TRIQK: variants seen among roughly 807,000 people sequenced by gnomAD.
The protein encoded by TRIQK is triple QxxK/R motif-containing protein.
Under a neutral mutation model 10.8 loss-of-function variants are expected in TRIQK, and 10 were observed. That is an observed-to-expected ratio of 0.92 (90% CI 0.57 to 1.57). The LOEUF (loss-of-function observed/expected upper bound fraction) is 1.57. Among genes scored for constraint, TRIQK ranks in the 40% most tolerant of loss-of-function variants. The pLI is 0.00. For synonymous variants in TRIQK, 33 were observed against 33.7 expected (o/e 0.98, Z 0.07); for missense variants, 107 against 97.7 (o/e 1.09, Z -0.40).
intron 3 of TRIQK, among the ~76,000 whole-genome samples, chr8:92,896,733 TTAC>T (rs1448241037): frequency 6.6e-6 from 1 of 152,164 alleles, no homozygotes; most frequent in African/African-American, 2.4e-5. Context: ...TTGGAATCTG[TTAC>T]TACTTTTTTC....
intron 2 of TRIQK, among the ~76,000 whole-genome samples, chr8:92,917,678 G>A (rs570571623): frequency 6.6e-6 from 1 of 151,974 alleles, no homozygotes; most frequent in Non-Finnish European, 1.5e-5. Flanking sequence ...GTAATGACCA[G>A]TTCAGAATAA....
intron 1 of TRIQK, among the ~76,000 whole-genome samples, chr8:92,992,357 C>A (rs1813104402): frequency 6.6e-6 from 1 of 152,182 alleles, no homozygotes; most frequent in African/African-American, 2.4e-5. Flanking sequence ...GGAAGATCTT[C>A]CTGCCTCTAC....
chr8:92,952,322 T>A (rs748798345), intron 2 of TRIQK, among the ~76,000 whole-genome samples: 1 of 151,970 alleles, frequency 6.6e-6, no homozygotes, highest in Non-Finnish European at 1.5e-5. Flanking sequence ...AGAGTGCCTT[T>A]GATGAGCTTA....
chr8:92,976,952 C>A (rs62520824), intron 1 of TRIQK, among the ~76,000 whole-genome samples: 12,371 of 151,824 alleles, frequency 0.081, 1,078 homozygotes, highest in African/African-American at 0.22. Flanking sequence ...TTTTATCTCT[C>A]TATATATATT....
chr8:92,925,078 A>T (rs1487707072), intron 2 of TRIQK, among the ~76,000 whole-genome samples: 1 of 152,150 alleles, frequency 6.6e-6, no homozygotes, highest in African/African-American at 2.4e-5. Context: ...AAACCTAAAA[A>T]GTCATGTTCC....
chr8:93,004,267 T>C (rs1438125701), intron 1 of TRIQK, among the ~76,000 whole-genome samples: 2 of 152,190 alleles, frequency 1.3e-5, no homozygotes, highest in African/African-American at 2.4e-5. Context: ...TGCACACCCA[T>C]GGTCCAAACA....
At chr8:92,888,772 A>G (rs992053481) in intron 4 of TRIQK, among the ~76,000 whole-genome samples, 1 of 151,568 alleles carries the variant, frequency 6.6e-6, no homozygotes, top group East Asian at 1.9e-4. Flanking sequence ...TGGCACTTGA[A>G]TATTTTATTT....
At chr8:92,977,808 A>G (rs1812949138) in intron 1 of TRIQK, among the ~76,000 whole-genome samples, 2 of 152,100 alleles carry the variant, frequency 1.3e-5, no homozygotes. Flanking sequence ...TTTGAAGTAC[A>G]ATTGTCATGT....
intron 1 of TRIQK, among the ~76,000 whole-genome samples, chr8:93,013,324 C>T (rs1274303291): frequency 6.6e-6 from 1 of 152,144 alleles, no homozygotes; most frequent in Non-Finnish European, 1.5e-5. Flanking sequence ...GTTTCTTTGT[C>T]TGTCTTGCTT....
intron 1 of TRIQK, among the ~76,000 whole-genome samples, chr8:92,959,551 A>G (rs1306485726): frequency 6.6e-6 from 1 of 151,168 alleles, no homozygotes; most frequent in Admixed American, 6.6e-5. Flanking sequence ...ATATTGCATT[A>G]TCTCATAATA....
At chr8:92,959,186 C>T (rs753670868) in intron 1 of TRIQK, among the ~76,000 whole-genome samples, 7 of 151,948 alleles carry the variant, frequency 4.6e-5, no homozygotes, top group Admixed American at 1.3e-4. Context: ...TCCAAGCTCA[C>T]GGATCATAGG....
At chr8:92,958,653 A>G (rs528342912) in intron 1 of TRIQK, among the ~76,000 whole-genome samples, 6 of 152,170 alleles carry the variant, frequency 3.9e-5, no homozygotes, top group African/African-American at 1.4e-4. Context: ...AAGACCAAAC[A>G]GATGCTGGGG....
chr8:92,990,699 A>T (rs1350437451), intron 1 of TRIQK, among the ~76,000 whole-genome samples: 1 of 152,158 alleles, frequency 6.6e-6, no homozygotes, highest in Non-Finnish European at 1.5e-5. Flanking sequence ...GGACTGTGCC[A>T]TGAAGGATGG....
At chr8:92,957,662 T>C (rs1055406095) in intron 1 of TRIQK, among the ~76,000 whole-genome samples, 5 of 151,944 alleles carry the variant, frequency 3.3e-5, no homozygotes, top group African/African-American at 1.2e-4. Flanking sequence ...TCTCAAACTT[T>C]CATAAAGTTT....
chr8:92,949,072 A>G (rs1215106847), intron 2 of TRIQK, among the ~76,000 whole-genome samples: 1 of 152,194 alleles, frequency 6.6e-6, no homozygotes, highest in Non-Finnish European at 1.5e-5. Flanking sequence ...TTTCTGTTAC[A>G]TAACTTTCCT....
intron 1 of TRIQK, among the ~76,000 whole-genome samples, chr8:92,961,103 T>G (rs1812435628): frequency 6.6e-6 from 1 of 152,200 alleles, no homozygotes; most frequent in African/African-American, 2.4e-5. Flanking sequence ...TTTTAGAGAT[T>G]CATAGGTATG....
chr8:92,917,692 G>A (rs1345399592), intron 2 of TRIQK, among the ~76,000 whole-genome samples: 1 of 151,620 alleles, frequency 6.6e-6, no homozygotes, highest in Non-Finnish European at 1.5e-5. Context: ...AGAATAATTG[G>A]GATATCCATC....
chr8:92,970,073 C>T (rs148325828), upstream of TRIQK, among the ~76,000 whole-genome samples: 71 of 151,986 alleles, frequency 4.7e-4, no homozygotes, highest in Admixed American at 1.4e-3. Context: ...ATTAGTTTGC[C>T]GAGGGTAATG....
At chr8:92,957,629 G>T (rs1204897824) in intron 1 of TRIQK, among the ~76,000 whole-genome samples, 1 of 151,758 alleles carries the variant, frequency 6.6e-6, no homozygotes, top group East Asian at 1.9e-4. Context: ...ATATTCAAGT[G>T]GTCTATAACT....
Sources: gnomAD v4.1 joint callset for allele counts (sites outside exome capture counted in the v4.1 genomes callset) on GRCh38, gnomAD v4.1.1 for gene constraint, MANE v1.5 for transcripts, NCBI Gene and HGNC (gene_info 2026-07-23, HGNC 2026-07-21) for gene names.